DTNBP1: variants seen among roughly 807,000 people sequenced by gnomAD.
DTNBP1 encodes dysbindin.
In DTNBP1, 35 loss-of-function variants were observed where a neutral mutation model predicts 42.8. That is an observed-to-expected ratio of 0.82 (90% confidence interval 0.63 to 1.09). The LOEUF (loss-of-function observed/expected upper bound fraction) is 1.09. Among genes scored for constraint, DTNBP1 ranks in the 50% least tolerant of loss-of-function variants. The probability of loss-of-function intolerance (pLI) is 0.00; values close to 1 mark genes in which losing one functional copy is unlikely to be tolerated. For synonymous variants in DTNBP1, 171 were observed against 162.2 expected (o/e 1.05, Z -0.41); for missense variants, 457 against 424.2 (o/e 1.08, Z -0.68).
At chr6:15,604,542 C>A (rs1029524933) in intron 6 of DTNBP1, among the ~76,000 whole-genome samples, 4 of 152,208 alleles carry the variant, frequency 2.6e-5, no homozygotes, top group African/African-American at 7.2e-5. Flanking sequence ...ACACTCCTGC[C>A]ACACCTCCCC....
chr6:15,565,991 A>G (rs950269252), intron 7 of DTNBP1, among the ~76,000 whole-genome samples: 2 of 152,234 alleles, frequency 1.3e-5, no homozygotes, highest in African/African-American at 4.8e-5. Context: ...AGGCAGCCTC[A>G]TGCAGTAGAA....
At chr6:15,560,779 G>C (rs567142450) in intron 7 of DTNBP1, among the ~76,000 whole-genome samples, 1 of 152,276 alleles carries the variant, frequency 6.6e-6, no homozygotes, top group African/African-American at 2.4e-5. Context: ...CTGAAAGAAG[G>C]AAACAATTTA....
chr6:15,624,293 G>T (rs1759215812), intron 5 of DTNBP1, among the ~76,000 whole-genome samples: 1 of 152,206 alleles, frequency 6.6e-6, no homozygotes, highest in Non-Finnish European at 1.5e-5. Context: ...CGATCTGTCA[G>T]TTCATAGCCC....
At chr6:15,652,680 T>C (rs1419944121) in intron 1 of DTNBP1, among the ~76,000 whole-genome samples, 1 of 151,986 alleles carries the variant, frequency 6.6e-6, no homozygotes, top group Non-Finnish European at 1.5e-5. Flanking sequence ...CAGGCTAGAG[T>C]ATAGTGGTGC....
chr6:15,592,387 G>T (rs1349726999), intron 7 of DTNBP1, among the ~76,000 whole-genome samples: 2 of 152,108 alleles, frequency 1.3e-5, no homozygotes, highest in African/African-American at 4.8e-5. Context: ...TTGAAAAATG[G>T]GAAACTGGAA....
At chr6:15,535,320 AT>A (rs553853828) in intron 7 of DTNBP1, among the ~76,000 whole-genome samples, 3 of 151,434 alleles carry the variant, frequency 2.0e-5, no homozygotes, top group African/African-American at 4.9e-5. Flanking sequence ...TAAATTACCT[AT>A]TTTTTTTGAG....
At chr6:15,538,791 C>T (rs1018637703) in intron 7 of DTNBP1, among the ~76,000 whole-genome samples, 1 of 152,198 alleles carries the variant, frequency 6.6e-6, no homozygotes, top group Non-Finnish European at 1.5e-5. Flanking sequence ...AAAATCTAGT[C>T]ATCTGCAGAA....
chr6:15,638,729 T>C (rs1437039565), intron 3 of DTNBP1, among the ~76,000 whole-genome samples: 1 of 152,168 alleles, frequency 6.6e-6, no homozygotes, highest in Non-Finnish European at 1.5e-5. Flanking sequence ...GGGAAGGATA[T>C]AACATTACTC....
chr6:15,585,012 C>T (rs1776006332), intron 7 of DTNBP1, among the ~76,000 whole-genome samples: 1 of 138,892 alleles, frequency 7.2e-6, no homozygotes, highest in Non-Finnish European at 1.5e-5. Context: ...AAAACCACAG[C>T]CTCTGGCTAA....
intron 7 of DTNBP1, among the ~76,000 whole-genome samples, chr6:15,561,032 A>C (rs1329418793): frequency 6.6e-6 from 1 of 152,176 alleles, no homozygotes; most frequent in East Asian, 1.9e-4. Context: ...AAAATGGGAG[A>C]CTGGAGAGAG....
intron 1 of DTNBP1, among the ~76,000 whole-genome samples, chr6:15,655,917 C>A (rs1260470209): frequency 6.6e-6 from 1 of 152,184 alleles, no homozygotes; most frequent in African/African-American, 2.4e-5. Context: ...AAACAACCCA[C>A]TTATAACGTC....
intron 1 of DTNBP1, among the ~76,000 whole-genome samples, chr6:15,661,660 T>TG (rs907471645): frequency 2.2e-4 from 14 of 62,276 alleles, no homozygotes; most frequent in East Asian, 6.7e-4. Context: ...AAAAGGGGGG[T>TG]GGGGGGGAGA....
At chr6:15,598,472 T>A (rs905389056) in intron 6 of DTNBP1, among the ~76,000 whole-genome samples, 10 of 152,204 alleles carry the variant, frequency 6.6e-5, no homozygotes, top group African/African-American at 2.2e-4. Flanking sequence ...AAATTTTTTT[T>A]AAGCATGATC....
chr6:15,566,535 T>C (rs1194820518), intron 7 of DTNBP1, among the ~76,000 whole-genome samples: 2 of 151,928 alleles, frequency 1.3e-5, no homozygotes, highest in East Asian at 3.9e-4. Context: ...AACAAACTCT[T>C]TGCAGCAATA....
chr6:15,592,191 A>G (rs1427445200), intron 7 of DTNBP1, among the ~76,000 whole-genome samples: 1 of 152,252 alleles, frequency 6.6e-6, no homozygotes, highest in African/African-American at 2.4e-5. Context: ...CATAAATGAT[A>G]TACTTGGAAA....
At chr6:15,533,790 T>C (rs569730392) in intron 7 of DTNBP1, among the ~76,000 whole-genome samples, 13 of 152,368 alleles carry the variant, frequency 8.5e-5, no homozygotes, top group Non-Finnish European at 1.5e-4. Context: ...GTTTAGACTT[T>C]TGCAGCTGAC....
rs187322158 is a variant in DTNBP1 at position 15,524,189 on chromosome 6, C to T, written c.811+337G>A. The T allele has an allele frequency of 1.4e-3, 2,131 of 1,475,966 alleles. 4 individuals are homozygous for T. The highest frequency in any genetic ancestry group is 2.9e-3 in the Admixed American group (144 of 49,086). 91.4% of individuals were successfully genotyped at this position (1,475,966 alleles called of 1,614,324 possible). A position where few individuals can be genotyped will look rare whatever the true frequency, so the allele number is the denominator to read the frequency against. On this transcript the variant is annotated intron_variant, in intron 9 of 9. Transcript: ENST00000344537. ...TTCCCGTGAGCCCCGCAGGAGAGTC[C>T]GCACCTCCCTGCAAACGCCAGTCCT...
rs139971924 is a variant in DTNBP1 at position 15,578,204 on chromosome 6, C to T, written c.511+14855G>A. Among the ~76,000 whole-genome samples the T allele has an allele frequency of 7.2e-5, 11 of 152,320 alleles. No individual in the cohort carries two copies. In the East Asian group the frequency reaches 2.1e-3, roughly 29 times the overall value. ...GCGAGGAAGCCAGAGTAAGCCGACG[C>T]TGGGAGGAGGGGGTGTTAGTGCAGG... On this transcript the variant is annotated intron_variant, in intron 7 of 9. Transcript: ENST00000344537.
intron 4 of DTNBP1, among the ~76,000 whole-genome samples, chr6:15,632,007 G>A (rs558845036): frequency 6.6e-6 from 1 of 152,148 alleles, no homozygotes; most frequent in South Asian, 2.1e-4. Flanking sequence ...GAAAATTTGG[G>A]GTTTCAATTT....
Sources: gnomAD v4.1 joint callset for allele counts (sites outside exome capture counted in the v4.1 genomes callset) on GRCh38, gnomAD v4.1.1 for gene constraint, MANE v1.5 for transcripts, NCBI Gene and HGNC (gene_info 2026-07-23, HGNC 2026-07-21) for gene names.